Variants in WASF3 observed in about 807,000 individuals in gnomAD.
WASF3 encodes WASP family member 3, also known as actin-binding protein WASF3.
WASF3 carries 11 observed loss-of-function variants against 46.6 expected under a neutral mutation model. That is an observed-to-expected ratio of 0.24 (90% confidence interval 0.15 to 0.39). The LOEUF is 0.39. WASF3 is among the 10% of genes least tolerant of loss of function. WASF3 has a pLI of 1.00. For missense variants in WASF3, 576 were observed against 669.8 expected (o/e 0.86, Z 1.55); for synonymous variants, 242 against 259.7 (o/e 0.93, Z 0.65).
chr13:26,542,271 A>G, the WASF3 span, among the ~76,000 whole-genome samples: 1 of 152,236 alleles, frequency 6.6e-6, no homozygotes, highest in African/African-American at 2.4e-5. Flanking sequence ...CTTGTGGGTT[A>G]TAAATAAGAT....
intron 1 of WASF3, among the ~76,000 whole-genome samples, chr13:26,564,734 A>G (rs1879404712): frequency 6.6e-6 from 1 of 152,136 alleles, no homozygotes; most frequent in East Asian, 1.9e-4. Context: ...ATACTCAACA[A>G]GTATTTTTAC....
At chr13:26,648,956 G>GT (rs1240225893) in intron 3 of WASF3, among the ~76,000 whole-genome samples, 1 of 152,124 alleles carries the variant, frequency 6.6e-6, no homozygotes, top group Non-Finnish European at 1.5e-5. Context: ...TATTAGTTAG[G>GT]TTTTTTATTT....
chr13:26,623,473 A>C (rs1881367750), intron 2 of WASF3, among the ~76,000 whole-genome samples: 1 of 152,184 alleles, frequency 6.6e-6, no homozygotes, highest in Admixed American at 6.5e-5. Context: ...GTGACCAGCA[A>C]GATCCTCTGC....
At chr13:26,566,090 C>G (rs755510894) in intron 1 of WASF3, among the ~76,000 whole-genome samples, 1 of 152,160 alleles carries the variant, frequency 6.6e-6, no homozygotes, top group Non-Finnish European at 1.5e-5. Context: ...GGTTTTATTT[C>G]TTAGGCTATT....
intron 1 of WASF3, among the ~76,000 whole-genome samples, chr13:26,597,326 G>A (rs964907145): frequency 4.6e-5 from 7 of 152,164 alleles, no homozygotes; most frequent in African/African-American, 1.7e-4. Context: ...GTAGAGATGG[G>A]GCTTCGCCAT....
chr13:26,643,723 G>A (rs948210210), intron 3 of WASF3, among the ~76,000 whole-genome samples: 1 of 152,182 alleles, frequency 6.6e-6, no homozygotes, highest in Non-Finnish European at 1.5e-5. Flanking sequence ...GATGAAAGCC[G>A]ACATAAACTG....
chr13:26,686,054 A>G lies in WASF3; in HGVS notation c.*209A>G, dbSNP rs1327297208. 16 of 571,960 alleles carry G rather than the reference A, an allele frequency of 2.8e-5. No individual in the cohort carries two copies. Among genetic ancestry groups the G allele is most frequent in the Admixed American group, 3.2e-5 (1 of 31,236 alleles). 35.4% of individuals were successfully genotyped at this position (571,960 alleles called of 1,614,324 possible). A position where few individuals can be genotyped will look rare whatever the true frequency, so the allele number is the denominator to read the frequency against. On this transcript the variant is annotated 3_prime_UTR_variant, in exon 10 of 10. Coordinates refer to ENST00000335327, the MANE Select transcript of WASF3 (RefSeq NM_006646.6). ...CTAAACATAGCAAATTGTGCTGCAC[A>G]TGAGGAAATAGGCTGTCACTATCAC...
At chr13:26,601,412 T>C (rs529257216) in intron 1 of WASF3, among the ~76,000 whole-genome samples, 1 of 152,210 alleles carries the variant, frequency 6.6e-6, no homozygotes, top group South Asian at 2.1e-4. Flanking sequence ...CTCAAGGTTC[T>C]ACAGAGATGA....
At chr13:26,613,107 T>C (rs2137225662) in intron 2 of WASF3, 49 bp downstream of exon 2, 1 of 151,742 alleles carries the variant, frequency 6.6e-6, no homozygotes, top group African/African-American at 2.4e-5. Context: ...TTCTGTAACA[T>C]AGTTTAGAAA....
chr13:26,564,656 C>T (rs1263391544), intron 1 of WASF3, among the ~76,000 whole-genome samples: 1 of 152,174 alleles, frequency 6.6e-6, no homozygotes, highest in Non-Finnish European at 1.5e-5. Flanking sequence ...TAACTGTGAA[C>T]TGGAATCAGT....
intron 3 of WASF3, among the ~76,000 whole-genome samples, chr13:26,643,550 T>C (rs1295818204): frequency 3.3e-5 from 5 of 152,254 alleles, no homozygotes; most frequent in Non-Finnish European, 7.3e-5. Context: ...GATTGACTTT[T>C]GGTAGTGGTA....
rs180951679 is a variant in WASF3, at chr13:26,580,638, T to A, written c.-109+22819T>A. On this transcript the variant is annotated intron_variant, in intron 1 of 9. Coordinates refer to ENST00000335327, the MANE Select transcript of WASF3 (RefSeq NM_006646.6). Reference sequence around the variant, plus strand: ...TTCTTTTTTCTTTCTTTTTTTTTTTTTTTGAGACAGAGTTTTTGCTCTTGT... The same window carrying A: ...TTCTTTTTTCTTTCTTTTTTTTTTTATTTGAGACAGAGTTTTTGCTCTTGT... Among the ~76,000 whole-genome samples the A allele has an allele frequency of 7.7e-3, 1,169 of 151,552 alleles. 7 individuals are homozygous for A. The highest frequency in any genetic ancestry group is 0.014 in the Middle Eastern group (4 of 294).
chr13:26,681,976 T>G (rs1883245617), intron 8 of WASF3, among the ~76,000 whole-genome samples: 1 of 152,224 alleles, frequency 6.6e-6, no homozygotes, highest in South Asian at 2.1e-4. Flanking sequence ...CACCCCTGTC[T>G]GAATGACAAT....
chr13:26,630,503 G>A (rs1244770935), intron 2 of WASF3, among the ~76,000 whole-genome samples: 2 of 152,078 alleles, frequency 1.3e-5, no homozygotes, highest in East Asian at 3.9e-4. Context: ...CCTTTTTTGT[G>A]GCTGCACAGT....
At chr13:26,627,918 A>T (rs1275126246) in intron 2 of WASF3, among the ~76,000 whole-genome samples, 23 of 151,820 alleles carry the variant, frequency 1.5e-4, no homozygotes, top group East Asian at 5.8e-4. Flanking sequence ...AAAATAAAAT[A>T]AAATAAAATA....
chr13:26,563,791 CTT>C (rs1195780410), intron 1 of WASF3, among the ~76,000 whole-genome samples: 4 of 143,448 alleles, frequency 2.8e-5, no homozygotes, highest in Admixed American at 7.0e-5. Context: ...GCTCTTCTGA[CTT>C]TTTTTTTTTT....
At position 26,635,447 on chromosome 13, in the gene WASF3, C is replaced by T. The variant is rs1009200897; in HGVS notation, c.-10-6814C>T. Among the ~76,000 whole-genome samples, 8 of 152,152 alleles carry T rather than the reference C, an allele frequency of 5.3e-5. No individual in the cohort carries two copies. In the East Asian group the frequency reaches 7.7e-4, roughly 15 times the overall value. On this transcript the variant is annotated intron_variant, in intron 2 of 9. Transcript: ENST00000335327. Reference sequence around the variant, plus strand: ...TGGGTTAGAACATGCTCCTTTAGCTCGGAGAAGTTTGTTATTACTGACCTT... The same window carrying T: ...TGGGTTAGAACATGCTCCTTTAGCTTGGAGAAGTTTGTTATTACTGACCTT...
At chr13:26,648,505 G>A (rs893566200) in intron 3 of WASF3, among the ~76,000 whole-genome samples, 1 of 152,220 alleles carries the variant, frequency 6.6e-6, no homozygotes, top group Middle Eastern at 3.4e-3. Context: ...AAAGGCATGC[G>A]CTGAATAACT....
intron 1 of WASF3, among the ~76,000 whole-genome samples, chr13:26,561,564 C>G (rs2137137970): frequency 6.6e-6 from 1 of 152,258 alleles, no homozygotes; most frequent in East Asian, 1.9e-4. Flanking sequence ...TAGAGAGACG[C>G]ATGTGAGAGT....
Sources: allele counts gnomAD v4.1 joint callset (sites outside exome capture counted in the v4.1 genomes callset), GRCh38; gene constraint gnomAD v4.1.1; transcripts MANE v1.5; gene names NCBI Gene and HGNC (gene_info 2026-07-23, HGNC 2026-07-21).